Variants in RGS4 observed in about 807,000 individuals in gnomAD.
The protein encoded by RGS4 is regulator of G protein signaling 4.
RGS4 carries 15 observed loss-of-function variants against 21.6 expected under a neutral mutation model. The observed-to-expected ratio is 0.69, with a 90% CI of 0.46 to 1.07. RGS4 has a LOEUF of 1.07. Ranked by LOEUF, RGS4 falls within the 50% of genes least tolerant of loss-of-function variation. The pLI is 0.00. For missense variants in RGS4, 237 were observed against 239.0 expected (o/e 0.99, Z 0.06); for synonymous variants, 94 against 85.5 (o/e 1.10, Z -0.55).
chr1:163,072,335 A>C, intron 1 of RGS4, 60 bp from the exon 2 acceptor site: 2 of 1,269,354 alleles, frequency 1.6e-6, no homozygotes, highest in Non-Finnish European at 2.3e-6. Flanking sequence ...CTCTACCATT[A>C]GGTATCTTTT....
At position 163,076,737 on chromosome 1, in the gene RGS4, C is replaced by T. The variant is rs533623712; in HGVS notation, c.*2177C>T. On this transcript the variant is annotated 3_prime_UTR_variant, in exon 5 of 5. Transcript: ENST00000367909. Reference sequence around the variant, plus strand: ...ATCATGTGCTTGATAGGCCTCAAAGCTAATGCTTCCAGTGAAACACACGCA... The same window carrying T: ...ATCATGTGCTTGATAGGCCTCAAAGTTAATGCTTCCAGTGAAACACACGCA... 3 of 152,026 alleles carry T rather than the reference C, an allele frequency of 2.0e-5. No homozygotes were observed. The highest frequency in any genetic ancestry group is 4.4e-5 in the Non-Finnish European group (3 of 68,008). The allele number at this position is 152,026 out of a possible 1,614,324, so 9.4% of individuals were successfully genotyped here. A position where few individuals can be genotyped will look rare whatever the true frequency, so the allele number is the denominator to read the frequency against.
upstream of RGS4, chr1:163,069,004 A>C: frequency 6.2e-7 from 1 of 1,600,286 alleles, no homozygotes; most frequent in African/African-American, 1.3e-5. Flanking sequence ...TAAGCTCCAG[A>C]ATTCCTGCTG....
rs982780243 is a variant in RGS4, at chr1:163,076,481, G to T, written c.*1921G>T. 2.0e-5 allele frequency: 3 copies of T among 152,438 alleles called. No homozygotes were observed. Among genetic ancestry groups the T allele is most frequent in the African/African-American group, 7.3e-5 (3 of 41,378 alleles). The allele number at this position is 152,438 out of a possible 1,614,324, so 9.4% of individuals were successfully genotyped here. On this transcript the variant is annotated 3_prime_UTR_variant, in exon 5 of 5. Transcript: ENST00000367909. ...TCAAATGTGTAACTTTATTGGTCTT[G>T]CCCTATTATAATTGTCATGACTTTC... is the stretch of plus-strand genomic sequence containing the variant.
chr1:163,073,323 G>GA (rs1655381888), intron 3 of RGS4, 133 bp from the exon 4 acceptor site: 1 of 723,548 alleles, frequency 1.4e-6, no homozygotes, highest in Non-Finnish European at 2.2e-6. Flanking sequence ...CAGGTGACTT[G>GA]AAAAAAGCAG....
In RGS4 at chr1:163,076,362, T is replaced by C. The variant is rs546569364; in HGVS notation, c.*1802T>C. ...AGGTTTTCTAATTGTACCCTTCTTG[T>C]CTCTCTGGCAATCTTGCCCTTAATA... On this transcript the variant is annotated 3_prime_UTR_variant, in exon 5 of 5. Transcript: ENST00000367909. The C allele has an allele frequency of 5.9e-5, 9 of 152,720 alleles. 1 individual carries two copies. In the East Asian group the frequency reaches 1.7e-3, roughly 29 times the overall value. The allele number at this position is 152,720 out of a possible 1,614,324, so 9.5% of individuals were successfully genotyped here.
chr1:163,074,355 G>A lies in RGS4; in HGVS notation c.413G>A (p.Ser138Asn). ...GATTCTTGCACCAGGGAAGAGACAAGCCGGAACATGCTAGAGCCTACAATA... is the reference window on the plus strand; with the variant it reads ...GATTCTTGCACCAGGGAAGAGACAAACCGGAACATGCTAGAGCCTACAATA... ...NLDSCTREET[S>N]RNMLEPTITC... Residue 138 changes from serine (S) to asparagine (N), a missense_variant, in exon 5 of 5, where the codon AGC (serine) becomes AAC (asparagine). Coordinates refer to ENST00000367909, the MANE Select transcript of RGS4 (RefSeq NM_005613.6). The A allele has an allele frequency of 6.2e-7, 1 of 1,613,858 alleles. No individual in the cohort carries two copies. The highest frequency in any genetic ancestry group is 2.2e-5 in the East Asian group (1 of 44,872).
Position 163,075,499 on chromosome 1 carries a change from G to T in RGS4, c.*939G>T, listed in dbSNP as rs552383978. ...CTGGGTGCTCAGGGCATGCTTATTAGCAGCTGGGTTGGTATGGAGTTGGCA... is the reference window on the plus strand; with the variant it reads ...CTGGGTGCTCAGGGCATGCTTATTATCAGCTGGGTTGGTATGGAGTTGGCA... On this transcript the variant is annotated 3_prime_UTR_variant, in exon 5 of 5. Transcript: ENST00000367909. 1 of 152,226 alleles carries T rather than the reference G, an allele frequency of 6.6e-6. No homozygotes were observed. Among genetic ancestry groups the T allele is most frequent in the East Asian group, 1.9e-4 (1 of 5,174 alleles). The allele number at this position is 152,226 out of a possible 1,614,324, so 9.4% of individuals were successfully genotyped here.
intron 3 of RGS4, 124 bp from the exon 4 acceptor site, chr1:163,073,332 A>T: frequency 1.3e-6 from 1 of 765,720 alleles, no homozygotes; most frequent in South Asian, 2.8e-5. Context: ...TGAAAAAAGC[A>T]GGGGAAAAAG....
At chr1:163,071,507 A>C (rs1390881021) in intron 1 of RGS4, among the ~76,000 whole-genome samples, 11 of 152,102 alleles carry the variant, frequency 7.2e-5, no homozygotes, top group Non-Finnish European at 1.5e-4. Flanking sequence ...AAAGTAAGAG[A>C]GTTGAGCTTA....
In RGS4 at chr1:163,073,461, C is replaced by A; in HGVS notation, c.217C>A (p.Leu73Met). The change falls in exon 4 of 5, where the codon CTG (leucine) becomes ATG (methionine). Residue 73 changes from leucine to methionine, a missense_variant. Coordinates refer to ENST00000367909, the MANE Select transcript of RGS4 (RefSeq NM_005613.6). ...LENLISHECG[L>M]AAFKAFLKSE... ...TCCTTTCTCCTGTATCATAGGTGGG[C>A]TGGCAGCTTTCAAAGCTTTCTTGAA... 6.3e-7 allele frequency: 1 copy of A among 1,576,470 alleles called. No individual in the cohort carries two copies. Among genetic ancestry groups the A allele is most frequent in the South Asian group, 1.2e-5 (1 of 82,766 alleles).
rs967647883 is a variant in RGS4, at chr1:163,073,360, G to A, written c.212-96G>A. On this transcript the variant is annotated intron_variant, in intron 3 of 4. Transcript: ENST00000367909. ...GGAAAAAGGGATTGCTTGAATCCAT[G>A]CTTTATCCCCCAAGTACCTCAGCTT... 5.0e-6 allele frequency: 5 copies of A among 1,008,846 alleles called. No homozygotes were observed. In the Admixed American group the frequency reaches 1.1e-4, roughly 22 times the overall value. The allele number at this position is 1,008,846 out of a possible 1,614,324, so 62.5% of individuals were successfully genotyped here.
chr1:163,073,948 G>C (rs1655412755), intron 4 of RGS4: 1 of 363,324 alleles, frequency 2.8e-6, no homozygotes, highest in African/African-American at 2.1e-5. Flanking sequence ...GAACTCTCTG[G>C]ATCTTAGTGA....
rs761350506 is a variant in RGS4 at position 163,072,431 on chromosome 1, G to A, written c.81G>A (p.Leu27=). The A allele has an allele frequency of 6.2e-7, 1 of 1,613,162 alleles. No individual in the cohort carries two copies. Among genetic ancestry groups the A allele is most frequent in the Admixed American group, 1.7e-5 (1 of 59,920 alleles). Residue 27 remains leucine, a synonymous_variant, in exon 2 of 5, where the codon CTG becomes CTA. Coordinates refer to ENST00000367909, the MANE Select transcript of RGS4 (RefSeq NM_005613.6). ...TGAAACATCGGCTAGGTTTCCTGCT[G>A]CAAAAATCTGATTCCTGTGAACACA... ...KDMKHRLGFL[L]QKSDSCEHNS...
Position 163,075,064 on chromosome 1 carries a change from G to T in RGS4, c.*504G>T. On this transcript the variant is annotated 3_prime_UTR_variant, in exon 5 of 5. Coordinates refer to ENST00000367909, the MANE Select transcript of RGS4 (RefSeq NM_005613.6). ...CACATATACATTATTTCTGTATATA[G>T]ATGTCTGTGTATACATATGTATGTG... is the stretch of plus-strand genomic sequence containing the variant. 1 of 225,302 alleles carries T rather than the reference G, an allele frequency of 4.4e-6. No homozygotes were observed. The highest frequency in any genetic ancestry group is 8.7e-6 in the Non-Finnish European group (1 of 115,306). The allele number at this position is 225,302 out of a possible 1,614,324, so 14.0% of individuals were successfully genotyped here. A position where few individuals can be genotyped will look rare whatever the true frequency, so the allele number is the denominator to read the frequency against.
At chr1:163,069,757 G>C (rs531976526) in intron 1 of RGS4, among the ~76,000 whole-genome samples, 1 of 152,188 alleles carries the variant, frequency 6.6e-6, no homozygotes, top group African/African-American at 2.4e-5. Flanking sequence ...TTTGAGAACT[G>C]TTCTATTCTT....
intron 1 of RGS4, 84 bp from the exon 2 acceptor site, chr1:163,072,311 A>G: frequency 9.2e-7 from 1 of 1,090,442 alleles, no homozygotes; most frequent in Non-Finnish European, 1.3e-6. Context: ...TAGACTAGTA[A>G]TGGACTCTTC....
Position 163,074,377 on chromosome 1 carries a change from A to C in RGS4, c.435A>C (p.Thr145=). The change falls in exon 5 of 5, where the codon ACA becomes ACC. Residue 145 remains threonine, a synonymous_variant. Coordinates refer to ENST00000367909, the MANE Select transcript of RGS4 (RefSeq NM_005613.6). The part of the protein sequence containing the change: ...EETSRNMLEP[T]ITCFDEAQKK... ...CAAGCCGGAACATGCTAGAGCCTAC[A>C]ATAACCTGCTTTGATGAGGCCCAGA... 6.2e-7 allele frequency: 1 copy of C among 1,613,870 alleles called. No individual in the cohort carries two copies. Among genetic ancestry groups the C allele is most frequent in the Non-Finnish European group, 8.5e-7 (1 of 1,179,832 alleles).
rs1190291701 is a variant in RGS4, at chr1:163,072,810, G to A, written c.155G>A (p.Ser52Asn). 3 of 1,612,718 alleles carry A rather than the reference G, an allele frequency of 1.9e-6. No individual in the cohort carries two copies. Among genetic ancestry groups the A allele is most frequent in the African/African-American group, 1.3e-5 (1 of 74,962 alleles). Residue 52 changes from serine to asparagine, a missense_variant, in exon 3 of 5, where the codon AGC becomes AAC. Coordinates refer to ENST00000367909, the MANE Select transcript of RGS4 (RefSeq NM_005613.6). The stretch of plus-strand genomic sequence containing the variant: ...TTTCTCTCTATTTTTTCTAGAGTGA[G>A]CCAAGAGGAAGTCAAGAAATGGGCT... Reference protein sequence around the residue: ...KDKVVICQRVSQEEVKKWAES... With the variant: ...KDKVVICQRVNQEEVKKWAES...
Position 163,072,236 on chromosome 1 carries a change from G to A in RGS4, c.45-159G>A, listed in dbSNP as rs1571161093. ...GTAGCAAGTCATAGGGAACCAAGAG[G>A]AATCTTGTTTTCCTCAGAGGTCATG... On this transcript the variant is annotated intron_variant, in intron 1 of 4. Transcript: ENST00000367909. 9 of 719,052 alleles carry A rather than the reference G, an allele frequency of 1.3e-5. No individual in the cohort carries two copies. The South Asian group carries it at 2.1e-4, about 17-fold the overall frequency. 44.5% of individuals were successfully genotyped at this position (719,052 alleles called of 1,614,324 possible).
Sources: gnomAD v4.1 joint callset for allele counts (sites outside exome capture counted in the v4.1 genomes callset) on GRCh38, gnomAD v4.1.1 for gene constraint, MANE v1.5 for transcripts, NCBI Gene and HGNC (gene_info 2026-07-23, HGNC 2026-07-21) for gene names.